The following SLC24A2 variants were observed in gnomAD, a reference collection of about 807,000 sequenced individuals.
SLC24A2 encodes the protein solute carrier family 24 member 2, also known as sodium/potassium/calcium exchanger 2.
SLC24A2 carries 36 observed loss-of-function variants against 62.0 expected under a neutral mutation model. The ratio of observed to expected loss-of-function variants is 0.58; its 90% CI spans 0.44 to 0.77. The LOEUF (loss-of-function observed/expected upper bound fraction) is 0.77, where lower values mean the gene tolerates loss of function less well. SLC24A2 is among the 30% of genes least tolerant of loss of function. The pLI is 0.00. For missense variants in SLC24A2, 846 were observed against 817.9 expected (o/e 1.03, Z -0.42); for synonymous variants, 358 against 294.0 (o/e 1.22, Z -2.23).
chr9:19,947,848 G>GAAAGAAAGAAAGAAAGAA, the SLC24A2 span, among the ~76,000 whole-genome samples: 1 of 145,336 alleles, frequency 6.9e-6, no homozygotes, highest in Non-Finnish European at 1.5e-5. Flanking sequence ...AAGAAAGAAA[G>GAAAGAAAGAAAGAAAGAA]AAATTAGTTC....
At chr9:19,905,489 A>G in the SLC24A2 span, among the ~76,000 whole-genome samples, 345 of 151,148 alleles carry the variant, frequency 2.3e-3, 6 homozygotes, top group East Asian at 0.061. Flanking sequence ...GCTCAACACA[A>G]CCTCTGCTTC....
chr9:20,021,967 T>C, the SLC24A2 span, among the ~76,000 whole-genome samples: 1 of 152,158 alleles, frequency 6.6e-6, no homozygotes, highest in African/African-American at 2.4e-5. Flanking sequence ...AATACCCGAA[T>C]GTTAACAGTC....
the SLC24A2 span, among the ~76,000 whole-genome samples, chr9:19,917,136 G>C: frequency 6.6e-6 from 1 of 150,918 alleles, no homozygotes; most frequent in South Asian, 2.1e-4. Flanking sequence ...AGATTGGAAT[G>C]TCCTTATTCA....
intron 2 of SLC24A2, among the ~76,000 whole-genome samples, chr9:19,667,418 A>G (rs1446623735): frequency 6.6e-6 from 1 of 152,052 alleles, no homozygotes; most frequent in African/African-American, 2.4e-5. Flanking sequence ...TTTCATTCTT[A>G]TTGCCCAGGT....
At chr9:20,067,646 C>G in the SLC24A2 span, among the ~76,000 whole-genome samples, 1 of 152,086 alleles carries the variant, frequency 6.6e-6, no homozygotes, top group Non-Finnish European at 1.5e-5. Flanking sequence ...ATTTTGTTTT[C>G]TGTTCCTGCA....
chr9:20,228,268 C>T, the SLC24A2 span, among the ~76,000 whole-genome samples: 4 of 152,104 alleles, frequency 2.6e-5, no homozygotes, highest in African/African-American at 9.7e-5. Context: ...AGAATCAGGG[C>T]TCAAGGTCAA....
At chr9:20,229,881 C>G in the SLC24A2 span, among the ~76,000 whole-genome samples, 1 of 140,666 alleles carries the variant, frequency 7.1e-6, no homozygotes, top group Non-Finnish European at 1.5e-5. Flanking sequence ...CATCCCTCCC[C>G]CCTCCCCCAA....
chr9:19,849,029 G>T, the SLC24A2 span, among the ~76,000 whole-genome samples: 1 of 152,208 alleles, frequency 6.6e-6, no homozygotes, highest in African/African-American at 2.4e-5. Context: ...GACATGTAAA[G>T]AAACAACTGC....
the SLC24A2 span, among the ~76,000 whole-genome samples, chr9:20,063,070 G>A: frequency 5.2e-5 from 6 of 115,194 alleles, no homozygotes; most frequent in Admixed American, 1.0e-4. Context: ...CAACCATTGT[G>A]GAAGTCAGTG....
chr9:19,799,291 A>G, the SLC24A2 span, among the ~76,000 whole-genome samples: 1 of 152,136 alleles, frequency 6.6e-6, no homozygotes, highest in South Asian at 2.1e-4. Flanking sequence ...GAGAGAAAAT[A>G]CTTTGCTGAA....
chr9:20,294,720 CA>C, the SLC24A2 span, among the ~76,000 whole-genome samples: 1 of 152,128 alleles, frequency 6.6e-6, no homozygotes, highest in South Asian at 2.1e-4. Flanking sequence ...TATTTGCTGG[CA>C]AATATGATAT....
chr9:19,573,418 G>A lies in SLC24A2; in HGVS notation c.1280C>T (p.Ser427Phe). 6.2e-7 allele frequency: 1 copy of A among 1,612,972 alleles called. No homozygotes were observed. The highest frequency in any genetic ancestry group is 2.2e-5 in the East Asian group (1 of 44,744). ...TTGTACAGGTTCTGAAGCATCACTG[G>A]ATGGTGTCATTTCAACATCTGTGCT... ...STSTDVEMTP[S>F]SDASEPVQNG... Residue 427 changes from serine (S) to phenylalanine (F), a missense_variant, in exon 7 of 11, where the codon TCC becomes TTC. Physicochemically the swap from Ser to Phe is radical, Grantham distance 155. Coordinates refer to ENST00000341998, the MANE Select transcript of SLC24A2 (RefSeq NM_020344.4).
the SLC24A2 span, among the ~76,000 whole-genome samples, chr9:20,247,887 C>T: frequency 2.0e-5 from 3 of 152,146 alleles, no homozygotes; most frequent in Non-Finnish European, 2.9e-5. Flanking sequence ...GTTTCTTTAA[C>T]TGTGAATTGG....
the SLC24A2 span, among the ~76,000 whole-genome samples, chr9:19,969,172 C>CACCTCCTT: frequency 7.2e-6 from 1 of 139,264 alleles, no homozygotes; most frequent in African/African-American, 2.7e-5. Flanking sequence ...CTGCGTCCGC[C>CACCTCCTT]ACCTCCTTTG....
Position 19,558,124 on chromosome 9 carries a change from A to G in SLC24A2, c.1348-7856T>C, listed in dbSNP as rs145918152. 3.0e-3 allele frequency among the ~76,000 whole-genome samples: 455 copies of G among 152,280 alleles called. 4 individuals are homozygous for G. The highest frequency in any genetic ancestry group is 0.01 in the African/African-American group (434 of 41,554). On this transcript the variant is annotated intron_variant, in intron 7 of 10. Transcript: ENST00000341998. ...GGCCTCACATTTCCTTAAAAAGCTG[A>G]TAAGAAACATCTGAATGTTGTATTC...
At chr9:19,850,896 C>T in the SLC24A2 span, among the ~76,000 whole-genome samples, 96 of 131,280 alleles carry the variant, frequency 7.3e-4, no homozygotes, top group Non-Finnish European at 9.3e-4. Context: ...CAGTTTTTGG[C>T]TATTATGAAC....
chr9:19,895,301 A>C, the SLC24A2 span, among the ~76,000 whole-genome samples: 1 of 152,008 alleles, frequency 6.6e-6, no homozygotes, highest in Middle Eastern at 3.2e-3. Context: ...ACTGCAGACA[A>C]ATAAAAATCT....
At chr9:19,573,490 ACACACACACACACACACACACACACAC>A in intron 6 of SLC24A2, 21 bp from the exon 7 acceptor site, 1 of 15,378 alleles carries the variant, frequency 6.5e-5, no homozygotes, top group Non-Finnish European at 1.5e-4. Context: ...ATTTAAACAC[ACACACACACACACACACACACACACAC>A]ACACACACAC....
chr9:20,263,529 C>G, the SLC24A2 span, among the ~76,000 whole-genome samples: 1 of 152,150 alleles, frequency 6.6e-6, no homozygotes, highest in Non-Finnish European at 1.5e-5. Flanking sequence ...AGATTACAGG[C>G]AGGAACCACT....
Sources: allele counts gnomAD v4.1 joint callset (sites outside exome capture counted in the v4.1 genomes callset), GRCh38; gene constraint gnomAD v4.1.1; transcripts MANE v1.5; gene names NCBI Gene and HGNC (gene_info 2026-07-23, HGNC 2026-07-21).